The following PPM1H variants were observed in gnomAD, a reference collection of about 807,000 sequenced individuals.
PPM1H encodes protein phosphatase, Mg2+/Mn2+ dependent 1H, also known as protein phosphatase 1H.
A neutral mutation model predicts 54.9 loss-of-function variants in PPM1H; 27 were observed. The ratio of observed to expected loss-of-function variants is 0.49; its 90% confidence interval spans 0.36 to 0.68. The LOEUF (loss-of-function observed/expected upper bound fraction) is 0.68, where lower values mean the gene tolerates loss of function less well. PPM1H is among the 30% of genes least tolerant of loss of function. The probability of loss-of-function intolerance (pLI) is 0.00; values close to 1 mark genes in which losing one functional copy is unlikely to be tolerated. For missense variants in PPM1H, 596 were observed against 667.8 expected, an observed-to-expected ratio of 0.89 and a Z score of 1.19; for synonymous variants, 305 against 270.8, an observed-to-expected ratio of 1.13 and a Z score of -1.24.
intron 1 of PPM1H, among the ~76,000 whole-genome samples, chr12:62,904,103 T>C (rs1871238463): frequency 6.6e-6 from 1 of 152,202 alleles, no homozygotes; most frequent in South Asian, 2.1e-4. Flanking sequence ...ACTGTTGGTA[T>C]TTCTTGTAGG....
At chr12:62,658,279 T>G (rs1420327062) in intron 9 of PPM1H, among the ~76,000 whole-genome samples, 2 of 149,782 alleles carry the variant, frequency 1.3e-5, no homozygotes, top group Non-Finnish European at 3.0e-5. Context: ...CCTGCACAGT[T>G]TTGCCTGGGC....
At chr12:62,830,144 A>G (rs1259967377) in intron 2 of PPM1H, among the ~76,000 whole-genome samples, 1 of 152,260 alleles carries the variant, frequency 6.6e-6, no homozygotes, top group Non-Finnish European at 1.5e-5. Context: ...CAGATTTATT[A>G]AGACACATGC....
At chr12:62,875,755 T>C (rs931399053) in intron 1 of PPM1H, among the ~76,000 whole-genome samples, 1 of 152,190 alleles carries the variant, frequency 6.6e-6, no homozygotes, top group Non-Finnish European at 1.5e-5. Flanking sequence ...AATGGGTTCA[T>C]GTCACCTGGC....
intron 1 of PPM1H, among the ~76,000 whole-genome samples, chr12:62,893,059 T>C (rs906902408): frequency 1.3e-5 from 2 of 152,226 alleles, no homozygotes; most frequent in Non-Finnish European, 2.9e-5. Context: ...TGGTGAACTA[T>C]GGTCCAGTGG....
At chr12:62,742,686 G>T (rs143803627) in intron 4 of PPM1H, among the ~76,000 whole-genome samples, 13 of 152,302 alleles carry the variant, frequency 8.5e-5, no homozygotes, top group Non-Finnish European at 1.8e-4. Flanking sequence ...GGGTGCAGGA[G>T]AGCTACGTAT....
chr12:62,676,676 C>T (rs2075988579), intron 8 of PPM1H, among the ~76,000 whole-genome samples: 1 of 152,130 alleles, frequency 6.6e-6, no homozygotes, highest in Admixed American at 6.5e-5. Context: ...GACATGCCAG[C>T]TCCCTGCCAT....
intron 5 of PPM1H, among the ~76,000 whole-genome samples, chr12:62,723,248 A>G (rs2076272933): frequency 6.6e-6 from 1 of 152,068 alleles, no homozygotes; most frequent in South Asian, 2.1e-4. Flanking sequence ...TTCAAAATCA[A>G]TTTGAAGTAT....
intron 3 of PPM1H, among the ~76,000 whole-genome samples, chr12:62,793,675 G>C (rs764696633): frequency 1.4e-5 from 2 of 141,716 alleles, no homozygotes; most frequent in Non-Finnish European, 3.0e-5. Flanking sequence ...GGTGAGCCCA[G>C]ATCGCGCCAA....
rs1182970952 is a variant in PPM1H, at chr12:62,645,938, T to G, written c.*2551A>C. ...GTAGACACGGTTACTGTTTTAGGAC[T>G]GGGTGACATGGGGCCTGGGTAAAAA... On this transcript the variant is annotated 3_prime_UTR_variant, in exon 10 of 10. Transcript: ENST00000228705. 2 of 152,326 alleles carry G rather than the reference T, an allele frequency of 1.3e-5. No homozygotes were observed. Among genetic ancestry groups the G allele is most frequent in the East Asian group, 1.9e-4 (1 of 5,174 alleles). The allele number at this position is 152,326 out of a possible 1,614,324, so 9.4% of individuals were successfully genotyped here. A position where few individuals can be genotyped will look rare whatever the true frequency, so the allele number is the denominator to read the frequency against.
rs1002607576 is a variant in PPM1H at position 62,773,535 on chromosome 12, C to T, written c.869+14691G>A. On this transcript the variant is annotated intron_variant, in intron 4 of 9. Transcript: ENST00000228705. ...TAAAGGGATGAAAGAATCCACTTCTCACATTGAAGGGCAGGATGTAATATC... is the reference window on the plus strand; with the variant it reads ...TAAAGGGATGAAAGAATCCACTTCTTACATTGAAGGGCAGGATGTAATATC... Among the ~76,000 whole-genome samples, 4 of 152,216 alleles carry T rather than the reference C, an allele frequency of 2.6e-5. No homozygotes were observed. The East Asian group carries it at 7.7e-4, about 29-fold the overall frequency.
Position 62,720,282 on chromosome 12 carries a change from A to C in PPM1H, c.962T>G (p.Met321Arg). Residue 321 changes from methionine (M) to arginine (R), a missense_variant, in exon 6 of 10, where the codon ATG becomes AGG. By Grantham distance (91) the Met-to-Arg change is moderately conservative. Transcript: ENST00000228705. ...ERQRLQYLAFMQPHLLGNEFT... is the reference protein window; with the variant it reads ...ERQRLQYLAFRQPHLLGNEFT... ...CTCATTTCCCAGCAAGTGAGGCTGC[A>C]TGAATGCCTAATAGCAAAAAGAAAA... 1 of 1,606,746 alleles carries C rather than the reference A, an allele frequency of 6.2e-7. No individual in the cohort carries two copies. Among genetic ancestry groups the C allele is most frequent in the Non-Finnish European group, 8.5e-7 (1 of 1,173,332 alleles).
At chr12:62,843,942 C>T (rs1868854330) in intron 1 of PPM1H, among the ~76,000 whole-genome samples, 1 of 152,206 alleles carries the variant, frequency 6.6e-6, no homozygotes, top group Non-Finnish European at 1.5e-5. Flanking sequence ...CAATCCAAGT[C>T]TCCCTAATTT....
chr12:62,757,298 G>C (rs2076482468), intron 4 of PPM1H, among the ~76,000 whole-genome samples: 2 of 152,116 alleles, frequency 1.3e-5, no homozygotes, highest in Admixed American at 6.5e-5. Flanking sequence ...TTTTTGCTGG[G>C]ATTAGTTATG....
chr12:62,727,427 T>C (rs1426749598), intron 5 of PPM1H, among the ~76,000 whole-genome samples: 1 of 152,084 alleles, frequency 6.6e-6, no homozygotes, highest in Non-Finnish European at 1.5e-5. Context: ...AAAACCATCT[T>C]GGACCCACGT....
At chr12:62,892,042 C>T (rs1416366182) in intron 1 of PPM1H, among the ~76,000 whole-genome samples, 1 of 152,182 alleles carries the variant, frequency 6.6e-6, no homozygotes, top group Non-Finnish European at 1.5e-5. Context: ...ACCAATTGTG[C>T]AAAGTATCAC....
At chr12:62,779,354 T>C (rs1477251203) in intron 4 of PPM1H, among the ~76,000 whole-genome samples, 47 of 152,176 alleles carry the variant, frequency 3.1e-4, no homozygotes, top group Non-Finnish European at 1.9e-4. Context: ...GCCTCAAACA[T>C]AATATTTCAT....
At chr12:62,674,443 T>G (rs139239081) in intron 8 of PPM1H, among the ~76,000 whole-genome samples, 39 of 152,268 alleles carry the variant, frequency 2.6e-4, no homozygotes, top group African/African-American at 9.1e-4. Flanking sequence ...AATATGACAC[T>G]TATGACAAGA....
chr12:62,838,344 G>C (rs1023934865), intron 1 of PPM1H, among the ~76,000 whole-genome samples: 3 of 143,986 alleles, frequency 2.1e-5, no homozygotes, highest in East Asian at 2.2e-4. Flanking sequence ...TGTGTGGGGG[G>C]GGGGAGATGA....
intron 1 of PPM1H, among the ~76,000 whole-genome samples, chr12:62,911,894 C>A (rs139399439): frequency 2.3e-4 from 35 of 152,336 alleles, no homozygotes; most frequent in African/African-American, 7.7e-4. Flanking sequence ...TCCAATGACA[C>A]CCCTTATCGC....
Sources: allele counts gnomAD v4.1 joint callset (sites outside exome capture counted in the v4.1 genomes callset), GRCh38; gene constraint gnomAD v4.1.1; transcripts MANE v1.5; gene names NCBI Gene and HGNC (gene_info 2026-07-23, HGNC 2026-07-21).